Variants in CFAP299 observed in about 807,000 individuals in gnomAD.
The protein encoded by CFAP299 is cilia and flagella associated protein 299.
Under a neutral mutation model 27.0 loss-of-function variants are expected in CFAP299, and 21 were observed. That is an observed-to-expected ratio of 0.78 (90% confidence interval 0.55 to 1.12). The LOEUF (loss-of-function observed/expected upper bound fraction) is 1.12. Among genes scored for constraint, CFAP299 ranks in the 50% most tolerant of loss-of-function variants. The probability of loss-of-function intolerance (pLI) is 0.00; values close to 1 mark genes in which losing one functional copy is unlikely to be tolerated. For missense variants in CFAP299, 310 were observed against 276.6 expected (o/e 1.12, Z -0.86); for synonymous variants, 104 against 98.1 (o/e 1.06, Z -0.36).
chr4:80,900,812 A>G (rs1398109811), intron 4 of CFAP299, among the ~76,000 whole-genome samples: 4 of 151,842 alleles, frequency 2.6e-5, no homozygotes. Context: ...TTTTTTTCTA[A>G]TTAGACAAGT....
rs183062762 is a variant in CFAP299, at chr4:80,351,892, G to A, written c.112-10862G>A. ...TAATTAATGATTTATTAATAATTAT[G>A]ATTTATAAATAATGTTAATATAATG... On this transcript the variant is annotated intron_variant, in intron 1 of 5. Coordinates refer to ENST00000358105, the MANE Select transcript of CFAP299 (RefSeq NM_152770.3). Among the ~76,000 whole-genome samples the A allele has an allele frequency of 1.4e-3, 213 of 149,710 alleles. 1 individual carries two copies. Among genetic ancestry groups the A allele is most frequent in the Non-Finnish European group, 2.3e-3 (155 of 67,452 alleles).
chr4:80,718,471 C>T (rs1033834217), intron 3 of CFAP299, among the ~76,000 whole-genome samples: 1 of 151,838 alleles, frequency 6.6e-6, no homozygotes, highest in Non-Finnish European at 1.5e-5. Flanking sequence ...TACTTTGGAA[C>T]AATTGTCAAG....
intron 3 of CFAP299, among the ~76,000 whole-genome samples, chr4:80,826,867 A>G (rs966144134): frequency 6.6e-6 from 1 of 151,876 alleles, no homozygotes; most frequent in African/African-American, 2.4e-5. Flanking sequence ...TTCTCTAACA[A>G]TCCTTGGATG....
chr4:80,770,312 G>A (rs1329634967), intron 3 of CFAP299, among the ~76,000 whole-genome samples: 1 of 152,068 alleles, frequency 6.6e-6, no homozygotes, highest in Non-Finnish European at 1.5e-5. Context: ...GATATACGGA[G>A]CAACTCCTAA....
chr4:80,664,454 TAG>T (rs1741036624), intron 3 of CFAP299, among the ~76,000 whole-genome samples: 1 of 152,182 alleles, frequency 6.6e-6, no homozygotes, highest in Admixed American at 6.5e-5. Flanking sequence ...AGGAGGAATC[TAG>T]AGAGGCAGTG....
chr4:80,866,212 G>A (rs993258783), intron 3 of CFAP299, among the ~76,000 whole-genome samples: 1 of 150,428 alleles, frequency 6.6e-6, no homozygotes, highest in African/African-American at 2.4e-5. Flanking sequence ...GGTGATTATC[G>A]TTTTTGCATT....
intron 2 of CFAP299, among the ~76,000 whole-genome samples, chr4:80,370,372 C>T (rs1172536127): frequency 6.6e-6 from 1 of 152,154 alleles, no homozygotes; most frequent in Non-Finnish European, 1.5e-5. Flanking sequence ...TCTCATGTCC[C>T]TCTCACATTG....
rs146255874 is a variant in CFAP299, at chr4:80,780,402, A to G, written c.334-89591A>G. 2.4e-3 allele frequency among the ~76,000 whole-genome samples: 366 copies of G among 152,234 alleles called. 4 individuals carry two copies. The highest frequency in any genetic ancestry group is 8.2e-3 in the African/African-American group (340 of 41,570). On this transcript the variant is annotated intron_variant, in intron 3 of 5. Transcript: ENST00000358105. The stretch of plus-strand genomic sequence containing the variant: ...TCTTCACCACTAAGAAATCTTAGAC[A>G]AAGTACTTCTTTGTATTCCCATAGC...
intron 3 of CFAP299, among the ~76,000 whole-genome samples, chr4:80,621,618 C>T (rs1374894036): frequency 6.6e-6 from 1 of 151,922 alleles, no homozygotes; most frequent in Non-Finnish European, 1.5e-5. Flanking sequence ...AGCACTATTC[C>T]AGATATTGAA....
intron 3 of CFAP299, among the ~76,000 whole-genome samples, chr4:80,618,608 A>G (rs2109928176): frequency 6.6e-6 from 1 of 152,264 alleles, no homozygotes. Context: ...AACATACGTA[A>G]AAATCATATA....
chr4:80,409,506 T>C (rs2110059158), intron 2 of CFAP299, among the ~76,000 whole-genome samples: 1 of 152,350 alleles, frequency 6.6e-6, no homozygotes, highest in African/African-American at 2.4e-5. Context: ...ACAAAGTTTG[T>C]TAATCATTCT....
At chr4:80,398,371 C>G (rs1448389719) in intron 2 of CFAP299, among the ~76,000 whole-genome samples, 1 of 152,136 alleles carries the variant, frequency 6.6e-6, no homozygotes, top group Non-Finnish European at 1.5e-5. Context: ...AAAGAGCCCG[C>G]ATTGCCAATT....
At position 80,566,662 on chromosome 4, in the gene CFAP299, C is replaced by T. The variant is rs140314835; in HGVS notation, c.243-16431C>T. 2.5e-3 allele frequency among the ~76,000 whole-genome samples: 386 copies of T among 152,172 alleles called. 3 individuals are homozygous for T. Among genetic ancestry groups the T allele is most frequent in the African/African-American group, 9.0e-3 (373 of 41,534 alleles). ...CCACAGATGGAGAGGGACCTGGAGGCAGGTGTACCAAACAAGAGGTTTCTT... is the reference window on the plus strand; with the variant it reads ...CCACAGATGGAGAGGGACCTGGAGGTAGGTGTACCAAACAAGAGGTTTCTT... On this transcript the variant is annotated intron_variant, in intron 2 of 5. Coordinates refer to ENST00000358105, the MANE Select transcript of CFAP299 (RefSeq NM_152770.3).
chr4:80,963,598 A>G lies in CFAP299; in HGVS notation c.688A>G (p.Arg230Gly), dbSNP rs1358728812. ...VQAVIFDHISRRKT is the reference protein window; with the variant it reads ...VQAVIFDHISGRKT Reference sequence around the variant, plus strand: ...AGCTGTCATTTTTGACCACATTTCCAGAAGGAAGACTTAAGTACCAACATG... The same window carrying G: ...AGCTGTCATTTTTGACCACATTTCCGGAAGGAAGACTTAAGTACCAACATG... Residue 230 changes from arginine to glycine, a missense_variant, in exon 6 of 6, where the codon AGA (arginine) becomes GGA (glycine). Physicochemically the swap from Arg to Gly is moderately radical, Grantham distance 125. Coordinates refer to ENST00000358105, the MANE Select transcript of CFAP299 (RefSeq NM_152770.3). 6.3e-6 allele frequency: 10 copies of G among 1,599,544 alleles called. No individual in the cohort carries two copies. Among genetic ancestry groups the G allele is most frequent in the Non-Finnish European group, 7.7e-6 (9 of 1,169,386 alleles).
At chr4:80,859,857 T>C (rs928354197) in intron 3 of CFAP299, among the ~76,000 whole-genome samples, 1 of 152,186 alleles carries the variant, frequency 6.6e-6, no homozygotes, top group Non-Finnish European at 1.5e-5. Context: ...TTTCCTTCAT[T>C]TCAACGTTGG....
intron 4 of CFAP299, among the ~76,000 whole-genome samples, chr4:80,887,196 C>T (rs897407790): frequency 2.0e-5 from 3 of 151,998 alleles, no homozygotes; most frequent in African/African-American, 7.2e-5. Context: ...ACGTCCCAAA[C>T]CTAGAGAAAT....
At chr4:80,401,694 C>G (rs1376567969) in intron 2 of CFAP299, among the ~76,000 whole-genome samples, 1 of 152,170 alleles carries the variant, frequency 6.6e-6, no homozygotes, top group Admixed American at 6.5e-5. Context: ...GAGCCCTCCC[C>G]AAGCAGAGTC....
chr4:80,877,573 T>G (rs1733465964), intron 4 of CFAP299, among the ~76,000 whole-genome samples: 1 of 152,164 alleles, frequency 6.6e-6, no homozygotes, highest in Non-Finnish European at 1.5e-5. Context: ...AAGTGAATAA[T>G]TAGAGATCTC....
chr4:80,331,019 C>CA (rs1405802611), upstream of CFAP299, among the ~76,000 whole-genome samples: 1 of 152,054 alleles, frequency 6.6e-6, no homozygotes, highest in African/African-American at 2.4e-5. Flanking sequence ...GATATTGCAA[C>CA]AAATGATAAG....
Sources: allele counts gnomAD v4.1 joint callset (sites outside exome capture counted in the v4.1 genomes callset), GRCh38; gene constraint gnomAD v4.1.1; transcripts MANE v1.5; gene names NCBI Gene and HGNC (gene_info 2026-07-23, HGNC 2026-07-21).